PRKN: variants seen among roughly 807,000 people sequenced by gnomAD.
PRKN encodes the protein E3 ubiquitin-protein ligase parkin.
Under a neutral mutation model 59.5 loss-of-function variants are expected in PRKN, and 56 were observed. The ratio of observed to expected loss-of-function variants is 0.94; its 90% CI spans 0.76 to 1.18. PRKN has a LOEUF of 1.18. Ranked by LOEUF, PRKN falls within the 50% of genes most tolerant of loss-of-function variation. The pLI is 0.00. For missense variants in PRKN, 657 were observed against 596.4 expected (o/e 1.10, Z -1.06); for synonymous variants, 250 against 222.1 (o/e 1.13, Z -1.12).
At chr6:162,687,562 C>A (rs1315218654) in intron 1 of PRKN, among the ~76,000 whole-genome samples, 1 of 152,092 alleles carries the variant, frequency 6.6e-6, no homozygotes, top group Non-Finnish European at 1.5e-5. Flanking sequence ...AATGGCCATG[C>A]TTCTTCTTAA....
rs1337577845 is a variant in PRKN, at chr6:161,470,852, GC to G, written c.1083+78001del. Among the ~76,000 whole-genome samples the G allele has an allele frequency of 1.3e-5, 2 of 152,158 alleles. No individual in the cohort carries two copies. Among genetic ancestry groups the G allele is most frequent in the African/African-American group, 2.4e-5 (1 of 41,442 alleles). ...TCTGAGATTTGTGGGCTGGGTGTCT[GC>G]CTATGTGTGTGCAGAGAACCTTCTA... On this transcript the variant is annotated intron_variant, in intron 9 of 11. Transcript: ENST00000366898. The surrounding 1 kb of genome is among the most constrained non-coding windows in gnomAD (Gnocchi z 5.1).
At chr6:162,257,691 C>T (rs1055386227) in intron 3 of PRKN, among the ~76,000 whole-genome samples, 1 of 152,072 alleles carries the variant, frequency 6.6e-6, no homozygotes, top group Admixed American at 6.6e-5. Flanking sequence ...TTCTATAGTG[C>T]CAGGTTTGCG....
rs2114822687 is a variant in PRKN, at chr6:161,349,192, T to C, written c.*907A>G. ...ATTTTGAAATCATTTCTAAACGTGTTTCCTTTATAGGCACTTTATCTATTA... is the reference window on the plus strand; with the variant it reads ...ATTTTGAAATCATTTCTAAACGTGTCTCCTTTATAGGCACTTTATCTATTA... On this transcript the variant is annotated 3_prime_UTR_variant, in exon 12 of 12. Transcript: ENST00000366898. This position sits in a 1 kb window ranked among gnomAD's most constrained non-coding sequence, Gnocchi z 5.5. The C allele has an allele frequency of 4.5e-6, 1 of 221,782 alleles. No homozygotes were observed. Among genetic ancestry groups the C allele is most frequent in the Non-Finnish European group, 9.0e-6 (1 of 111,006 alleles). The allele number at this position is 221,782 out of a possible 1,614,324, so 13.7% of individuals were successfully genotyped here. A position where few individuals can be genotyped will look rare whatever the true frequency, so the allele number is the denominator to read the frequency against.
chr6:162,160,914 A>G (rs1282694049), intron 4 of PRKN, among the ~76,000 whole-genome samples: 1 of 149,106 alleles, frequency 6.7e-6, no homozygotes, highest in Non-Finnish European at 1.5e-5. Context: ...AAAAAAAAAA[A>G]AAAGAAAAAG....
At chr6:162,084,190 T>C (rs1779166398) in intron 4 of PRKN, among the ~76,000 whole-genome samples, 1 of 152,112 alleles carries the variant, frequency 6.6e-6, no homozygotes, top group Non-Finnish European at 1.5e-5. Context: ...ATTAGGTTGG[T>C]GCAAAAGATT....
At chr6:161,662,509 C>T (rs537139128) in intron 7 of PRKN, among the ~76,000 whole-genome samples, 78 of 152,274 alleles carry the variant, frequency 5.1e-4, no homozygotes, top group African/African-American at 1.7e-3. Flanking sequence ...GGAGTTAAAT[C>T]CTAGCCCTGC....
chr6:162,622,407 C>A (rs1270735232), intron 1 of PRKN, among the ~76,000 whole-genome samples: 3 of 151,768 alleles, frequency 2.0e-5, no homozygotes, highest in African/African-American at 7.3e-5. Context: ...TGGTCTCCAA[C>A]ACCTCGCCTC....
intron 1 of PRKN, among the ~76,000 whole-genome samples, chr6:162,470,538 C>T (rs1472189091): frequency 1.3e-5 from 2 of 151,862 alleles, no homozygotes; most frequent in African/African-American, 2.4e-5. Flanking sequence ...TTGCAGTGAG[C>T]CAAGATTGCA....
At chr6:161,777,886 ATATATATGTATACATATATATGTG>A (rs1365916336) in intron 7 of PRKN, among the ~76,000 whole-genome samples, 14 of 135,378 alleles carry the variant, frequency 1.0e-4, no homozygotes, top group Admixed American at 8.3e-4. Context: ...GTATATATGT[ATATATATGTATACATATATATGTG>A]TATATATATG....
At chr6:161,494,233 C>T (rs1050556465) in intron 9 of PRKN, among the ~76,000 whole-genome samples, 3 of 152,104 alleles carry the variant, frequency 2.0e-5, no homozygotes, top group East Asian at 1.9e-4. Flanking sequence ...ATGAAAATAC[C>T]GTATCATCAG....
chr6:162,644,557 T>G (rs1440947941), intron 1 of PRKN, among the ~76,000 whole-genome samples: 1 of 152,018 alleles, frequency 6.6e-6, no homozygotes, highest in East Asian at 1.9e-4. Flanking sequence ...AAAATAACCG[T>G]TGAATATTTT....
intron 9 of PRKN, among the ~76,000 whole-genome samples, chr6:161,472,570 C>G (rs1321589017): frequency 6.6e-6 from 1 of 152,112 alleles, no homozygotes; most frequent in Admixed American, 6.5e-5. Context: ...GTAGAAAACA[C>G]AGGGAAACCC....
chr6:161,704,264 A>C (rs766331141), intron 7 of PRKN, among the ~76,000 whole-genome samples: 3 of 152,084 alleles, frequency 2.0e-5, no homozygotes, highest in Non-Finnish European at 4.4e-5. Context: ...AGGCAGTCTC[A>C]GGTTGTATTC....
chr6:162,485,404 C>T (rs376625258), intron 1 of PRKN, among the ~76,000 whole-genome samples: 3 of 152,174 alleles, frequency 2.0e-5, no homozygotes, highest in East Asian at 3.9e-4. Context: ...AGAGACACTG[C>T]TATTTTTTAA....
At chr6:162,263,847 G>A (rs773447532) in intron 2 of PRKN, among the ~76,000 whole-genome samples, 3 of 151,906 alleles carry the variant, frequency 2.0e-5, no homozygotes, top group Admixed American at 6.6e-5. Context: ...CCAGCTACTC[G>A]GGAGGCTGAG....
chr6:162,622,304 T>G (rs535589827), intron 1 of PRKN, among the ~76,000 whole-genome samples: 38 of 76,266 alleles, frequency 5.0e-4, no homozygotes, highest in Middle Eastern at 0.012. Context: ...TTTTTTTTTG[T>G]TTTGTTTTTT....
At chr6:161,996,804 A>G (rs909850681) in intron 5 of PRKN, among the ~76,000 whole-genome samples, 6 of 152,136 alleles carry the variant, frequency 3.9e-5, no homozygotes, top group African/African-American at 1.4e-4. Flanking sequence ...GGAGAAGTTT[A>G]TGATTAAGTT....
intron 1 of PRKN, among the ~76,000 whole-genome samples, chr6:162,528,404 G>A (rs1778380098): frequency 6.6e-6 from 1 of 151,762 alleles, no homozygotes; most frequent in Admixed American, 6.6e-5. Context: ...GAAGAGCAAA[G>A]ATCAGTAAGA....
chr6:162,588,117 TCTC>T (rs1488233580), intron 1 of PRKN, among the ~76,000 whole-genome samples: 1 of 151,474 alleles, frequency 6.6e-6, no homozygotes, highest in Admixed American at 6.6e-5. Context: ...TTCAAGCAAT[TCTC>T]CTACCTCAGC....
Sources: gnomAD v4.1 joint callset for allele counts (sites outside exome capture counted in the v4.1 genomes callset) on GRCh38, gnomAD v4.1.1 for gene constraint, Gnocchi (gnomAD v3.1) non-coding constraint, MANE v1.5 for transcripts, NCBI Gene and HGNC (gene_info 2026-07-23, HGNC 2026-07-21) for gene names.